TERB1: variants seen among roughly 807,000 people sequenced by gnomAD.
TERB1 encodes telomere repeat binding bouquet formation protein 1.
In TERB1, 63 loss-of-function variants were observed where a neutral mutation model predicts 92.3. The ratio of observed to expected loss-of-function variants is 0.68; its 90% CI spans 0.56 to 0.84. The LOEUF is 0.84. Among genes scored for constraint, TERB1 ranks in the 40% least tolerant of loss-of-function variants. The pLI, the probability that TERB1 is intolerant of heterozygous loss-of-function variation, is 0.00. For synonymous variants in TERB1, 252 were observed against 283.9 expected (o/e 0.89, Z 1.13); for missense variants, 709 against 843.7 (o/e 0.84, Z 1.98).
intron 3 of TERB1, among the ~76,000 whole-genome samples, chr16:66,791,316 GA>G (rs967698156): frequency 8.0e-5 from 12 of 149,920 alleles, no homozygotes; most frequent in East Asian, 3.9e-4. Context: ...CTGTCATTTA[GA>G]AAAAAAAAGT....
intron 3 of TERB1, among the ~76,000 whole-genome samples, chr16:66,794,922 A>AAC (rs57731987): frequency 0.032 from 4,660 of 146,172 alleles, 86 homozygotes; most frequent in Non-Finnish European, 0.045. Flanking sequence ...AAAAAAAAAA[A>AAC]ACACACACAC....
intron 16 of TERB1, among the ~76,000 whole-genome samples, chr16:66,761,636 A>T: frequency 6.6e-6 from 1 of 151,894 alleles, no homozygotes; most frequent in Non-Finnish European, 1.5e-5. Flanking sequence ...ACCAAAAAAA[A>T]TATTAGCCGG....
In TERB1 at chr16:66,759,182, C is replaced by T; in HGVS notation, c.1889G>A (p.Arg630Lys). 1 of 1,549,516 alleles carries T rather than the reference C, an allele frequency of 6.5e-7. No individual in the cohort carries two copies. The highest frequency in any genetic ancestry group is 8.7e-7 in the Non-Finnish European group (1 of 1,146,454). The change falls in exon 17 of 19, where the codon AGA becomes AAA. Residue 630 changes from arginine (R) to lysine (K), a missense_variant. By Grantham distance (26) the Arg-to-Lys change is conservative. Transcript: ENST00000433154. Reference sequence around the variant, plus strand: ...TGATTTCCTTAGTTCACTTTTATATCTGTCTTCAGCTTCCACAATGACTTT... The same window carrying T: ...TGATTTCCTTAGTTCACTTTTATATTTGTCTTCAGCTTCCACAATGACTTT... Reference protein sequence around the residue: ...RHKVIVEAEDRYKSELRKSLI... With the variant: ...RHKVIVEAEDKYKSELRKSLI...
chr16:66,801,372 C>T (rs909604239), intron 1 of TERB1, 96 bp downstream of exon 1: 1 of 152,454 alleles, frequency 6.6e-6, no homozygotes, highest in Middle Eastern at 3.4e-3. Context: ...AAGGCCCCGT[C>T]CCCCCAACTC....
intron 10 of TERB1, among the ~76,000 whole-genome samples, 185 bp from the exon 11 acceptor site, chr16:66,777,519 G>C (rs1426783158): frequency 6.6e-6 from 1 of 152,060 alleles, no homozygotes; most frequent in Non-Finnish European, 1.5e-5. Flanking sequence ...TAAATTCATT[G>C]TAATAAGATG....
chr16:66,759,428 G>A, intron 16 of TERB1, 138 bp from the exon 17 acceptor site: 3 of 651,508 alleles, frequency 4.6e-6, no homozygotes, highest in Non-Finnish European at 7.6e-6. Context: ...AAAATCATAT[G>A]AGGGAGTAAA....
chr16:66,775,708 GA>G (rs1374859933), intron 11 of TERB1, among the ~76,000 whole-genome samples: 1 of 129,542 alleles, frequency 7.7e-6, no homozygotes, highest in Non-Finnish European at 1.6e-5. Flanking sequence ...GTTTCAAAAG[GA>G]TTTTTTTTTT....
At chr16:66,801,376 C>G (rs941065121) in intron 1 of TERB1, 92 bp downstream of exon 1, 2 of 152,386 alleles carry the variant, frequency 1.3e-5, no homozygotes, top group Admixed American at 6.5e-5. Context: ...CCCCGTCCCC[C>G]CAACTCGACC....
intron 2 of TERB1, among the ~76,000 whole-genome samples, chr16:66,800,410 T>TTTTTTA (rs1959241734): frequency 1.4e-5 from 2 of 147,858 alleles, no homozygotes; most frequent in African/African-American, 2.5e-5. Flanking sequence ...TTTTTTTTTT[T>TTTTTTA]GAGACAGTCT....
chr16:66,778,004 C>T (rs2018576277), intron 10 of TERB1, among the ~76,000 whole-genome samples: 1 of 152,134 alleles, frequency 6.6e-6, no homozygotes, highest in Non-Finnish European at 1.5e-5. Flanking sequence ...ATAGCAGGTC[C>T]TCAATAACCA....
At chr16:66,764,533 C>T (rs749638622) in intron 16 of TERB1, among the ~76,000 whole-genome samples, 4 of 152,020 alleles carry the variant, frequency 2.6e-5, no homozygotes, top group Non-Finnish European at 4.4e-5. Context: ...CATGATGACA[C>T]GATAAAGCAC....
At chr16:66,762,432 G>A (rs1195425270) in intron 16 of TERB1, among the ~76,000 whole-genome samples, 1 of 151,974 alleles carries the variant, frequency 6.6e-6, no homozygotes, top group African/African-American at 2.4e-5. Context: ...CACCCAGACT[G>A]GAGTGCAGTG....
At chr16:66,760,473 AAAG>A (rs1389300028) in intron 16 of TERB1, among the ~76,000 whole-genome samples, 66 of 83,430 alleles carry the variant, frequency 7.9e-4, no homozygotes, top group South Asian at 2.0e-3. Context: ...AAAAAAAAGA[AAAG>A]AAAAGAAAAG....
At chr16:66,775,675 T>C (rs1008865511) in intron 11 of TERB1, among the ~76,000 whole-genome samples, 1 of 151,572 alleles carries the variant, frequency 6.6e-6, no homozygotes, top group African/African-American at 2.4e-5. Context: ...CAACAACAAA[T>C]TTTTAAAATA....
At chr16:66,775,313 T>C in intron 11 of TERB1, 70 bp from the exon 12 acceptor site, 5 of 1,369,650 alleles carry the variant, frequency 3.7e-6, no homozygotes, top group Non-Finnish European at 5.0e-6. Context: ...TAATTCTTCC[T>C]TGTGATAATT....
chr16:66,767,398 A>G lies in TERB1; in HGVS notation c.1780+17T>C. 1 of 1,434,472 alleles carries G rather than the reference A, an allele frequency of 7.0e-7. No homozygotes were observed. Among genetic ancestry groups the G allele is most frequent in the Non-Finnish European group, 9.4e-7 (1 of 1,063,564 alleles). 88.9% of individuals were successfully genotyped at this position (1,434,472 alleles called of 1,614,324 possible). On this transcript the variant is annotated intron_variant, in intron 16 of 18. Transcript: ENST00000433154. ...AGGCTTTGACTGTGAAACAACTGCA[A>G]TTAAAAAAATACTTACCTGAGCACC...
In TERB1 at chr16:66,786,013, C is replaced by A; in HGVS notation, c.577+1G>T. The stretch of plus-strand genomic sequence containing the variant: ...TATATTTAAACATGACAGATAATTA[C>A]CATTTTGAGGATTGTTGACACAGAC... On this transcript the variant is annotated splice_donor_variant, in intron 8 of 18. Transcript: ENST00000433154. LOFTEE classifies it high-confidence loss of function. The A allele has an allele frequency of 1.3e-6, 2 of 1,542,706 alleles. No individual in the cohort carries two copies. The highest frequency in any genetic ancestry group is 1.2e-5 in the South Asian group (1 of 82,004).
Position 66,770,146 on chromosome 16 carries a change from C to T in TERB1, c.1436G>A (p.Gly479Glu). The change falls in exon 14 of 19, where the codon GGA becomes GAA. Residue 479 changes from glycine (G) to glutamate (E), a missense_variant. Transcript: ENST00000433154. ...SRQLQSYKSH[G>E]VMSKACTNDD... ...ATTTGTACATGCTTTAGACATGACT[C>T]CATGGGACTTATAACTCTGTAACTG... The T allele has an allele frequency of 6.4e-7, 1 of 1,552,276 alleles. No individual in the cohort carries two copies. The highest frequency in any genetic ancestry group is 8.7e-7 in the Non-Finnish European group (1 of 1,147,112).
At chr16:66,791,161 C>A in intron 3 of TERB1, 142 bp from the exon 4 acceptor site, 2 of 465,642 alleles carry the variant, frequency 4.3e-6, no homozygotes, top group Non-Finnish European at 3.8e-6. Flanking sequence ...AATCCAACAA[C>A]CATGTATTTT....
Sources: gnomAD v4.1 joint callset for allele counts (sites outside exome capture counted in the v4.1 genomes callset) on GRCh38, gnomAD v4.1.1 for gene constraint, MANE v1.5 for transcripts, NCBI Gene and HGNC (gene_info 2026-07-23, HGNC 2026-07-21) for gene names.